Variants in PLXDC2 observed in about 807,000 individuals in gnomAD.
The protein encoded by PLXDC2 is plexin domain-containing protein 2.
PLXDC2 carries 40 observed loss-of-function variants against 68.9 expected under a neutral mutation model. The ratio of observed to expected loss-of-function variants is 0.58; its 90% CI spans 0.45 to 0.76. PLXDC2 has a LOEUF of 0.76. PLXDC2 is among the 30% of genes least tolerant of loss of function. The probability of loss-of-function intolerance (pLI) is 0.00; values close to 1 mark genes in which losing one functional copy is unlikely to be tolerated. For synonymous variants in PLXDC2, 243 were observed against 234.2 expected (o/e 1.04, Z -0.34); for missense variants, 644 against 661.9 (o/e 0.97, Z 0.30).
intron 9 of PLXDC2, among the ~76,000 whole-genome samples, chr10:20,187,607 T>G (rs1432700679): frequency 6.6e-6 from 1 of 151,900 alleles, no homozygotes; most frequent in Non-Finnish European, 1.5e-5. Context: ...TTTGCAGGTC[T>G]TCTTAATGGG....
At chr10:20,270,734 G>A (rs1221022787) in intron 13 of PLXDC2, among the ~76,000 whole-genome samples, 5 of 151,890 alleles carry the variant, frequency 3.3e-5, no homozygotes, top group African/African-American at 9.7e-5. Flanking sequence ...TAGTAGAGAC[G>A]GGGTTTCACC....
chr10:20,040,934 T>G (rs533997223), intron 2 of PLXDC2, among the ~76,000 whole-genome samples: 1 of 152,342 alleles, frequency 6.6e-6, no homozygotes, highest in Admixed American at 6.5e-5. Flanking sequence ...ACTTTCCGAT[T>G]TATCTGTCAG....
intron 1 of PLXDC2, among the ~76,000 whole-genome samples, chr10:20,000,253 C>T (rs1158454139): frequency 6.6e-6 from 1 of 150,528 alleles, no homozygotes; most frequent in Non-Finnish European, 1.5e-5. Context: ...CACACTCAGC[C>T]CTTTATGTAC....
intron 1 of PLXDC2, among the ~76,000 whole-genome samples, chr10:19,982,413 A>G (rs927772380): frequency 2.0e-5 from 3 of 152,162 alleles, no homozygotes; most frequent in African/African-American, 7.2e-5. Context: ...TTCTTCTAGG[A>G]TATCATAGAC....
At chr10:19,911,161 A>G (rs572408909) in intron 1 of PLXDC2, among the ~76,000 whole-genome samples, 2 of 152,160 alleles carry the variant, frequency 1.3e-5, no homozygotes, top group East Asian at 1.9e-4. Flanking sequence ...ATCCAAGACC[A>G]TATAATATTT....
chr10:20,211,669 A>G lies in PLXDC2; in HGVS notation c.1062A>G (p.Arg354=), dbSNP rs745754454. 13 of 1,612,938 alleles carry G rather than the reference A, an allele frequency of 8.1e-6. No individual in the cohort carries two copies. The highest frequency in any genetic ancestry group is 5.0e-5 in the Admixed American group (3 of 59,948). ...FNCSWCSKLQ[R]CSSGFDRHRQ... Reference sequence around the variant, plus strand: ...AACTGCATTGTGGTCTTCTTTGAAGATGTTCCAGTGGATTTGATCGTCATC... The same window carrying G: ...AACTGCATTGTGGTCTTCTTTGAAGGTGTTCCAGTGGATTTGATCGTCATC... The change falls in exon 10 of 14, where the codon AGA becomes AGG. Residue 354 remains arginine, a splice_region_variant and synonymous_variant. Coordinates refer to ENST00000377252, the MANE Select transcript of PLXDC2 (RefSeq NM_032812.9).
At chr10:19,949,831 A>G (rs1833964635) in intron 1 of PLXDC2, among the ~76,000 whole-genome samples, 1 of 152,192 alleles carries the variant, frequency 6.6e-6, no homozygotes, top group African/African-American at 2.4e-5. Flanking sequence ...ACACAATAGT[A>G]TTGTTTAAAG....
Position 19,894,838 on chromosome 10 carries a change from A to G in PLXDC2, c.112+77647A>G, listed in dbSNP as rs570048576. ...TTTTACACTGTTGGTGGGAGTGTAA[A>G]TTAGTTCAACCATTGTGGAAGATAG... On this transcript the variant is annotated intron_variant, in intron 1 of 13. Coordinates refer to ENST00000377252, the MANE Select transcript of PLXDC2 (RefSeq NM_032812.9). Among the ~76,000 whole-genome samples the G allele has an allele frequency of 2.0e-5, 3 of 152,350 alleles. No individual in the cohort carries two copies. The South Asian group carries it at 6.2e-4, about 32-fold the overall frequency.
chr10:20,036,877 T>C (rs527715998), intron 2 of PLXDC2, among the ~76,000 whole-genome samples: 1 of 152,318 alleles, frequency 6.6e-6, no homozygotes, highest in East Asian at 1.9e-4. Flanking sequence ...CTACAATTTA[T>C]CAACAAGGAT....
chr10:20,152,333 C>T (rs1589655261), intron 6 of PLXDC2, among the ~76,000 whole-genome samples: 1 of 152,062 alleles, frequency 6.6e-6, no homozygotes, highest in East Asian at 1.9e-4. Flanking sequence ...CTGTTGTTTT[C>T]TAGAATCATA....
intron 1 of PLXDC2, among the ~76,000 whole-genome samples, chr10:20,001,095 A>T (rs1327465397): frequency 2.0e-5 from 3 of 152,172 alleles, no homozygotes; most frequent in African/African-American, 7.2e-5. Flanking sequence ...CATTTCTGTA[A>T]GTGCCCATCA....
chr10:20,056,429 G>A (rs1836001461), intron 3 of PLXDC2, among the ~76,000 whole-genome samples: 2 of 152,148 alleles, frequency 1.3e-5, no homozygotes, highest in Non-Finnish European at 2.9e-5. Flanking sequence ...CCTGCCGATG[G>A]CACTCACAAC....
intron 1 of PLXDC2, among the ~76,000 whole-genome samples, chr10:19,955,852 G>T: frequency 6.6e-6 from 1 of 152,132 alleles, no homozygotes; most frequent in South Asian, 2.1e-4. Flanking sequence ...GGCTGAGGTG[G>T]GTGGATCACC....
intron 2 of PLXDC2, among the ~76,000 whole-genome samples, chr10:20,022,246 T>C (rs1424475523): frequency 6.6e-6 from 1 of 152,240 alleles, no homozygotes; most frequent in Non-Finnish European, 1.5e-5. Flanking sequence ...TCATGAGTGC[T>C]AGTTGCCAGT....
intron 1 of PLXDC2, among the ~76,000 whole-genome samples, chr10:19,893,465 GT>G (rs1564621568): frequency 1.3e-5 from 2 of 152,120 alleles, no homozygotes; most frequent in Non-Finnish European, 2.9e-5. Context: ...ATTCTCAGTC[GT>G]AAATGTCTTT....
chr10:20,136,000 A>G (rs568743935), intron 4 of PLXDC2, among the ~76,000 whole-genome samples: 1 of 152,156 alleles, frequency 6.6e-6, no homozygotes, highest in Non-Finnish European at 1.5e-5. Flanking sequence ...CCCTTCATAT[A>G]TTTTAACTTG....
chr10:20,255,006 T>A (rs1416047059), intron 13 of PLXDC2, among the ~76,000 whole-genome samples: 1 of 152,202 alleles, frequency 6.6e-6, no homozygotes. Context: ...TATAATAGTG[T>A]TTCTAATTTA....
Position 19,961,184 on chromosome 10 carries a change from G to C in PLXDC2, c.113-40591G>C, listed in dbSNP as rs1349246798. On this transcript the variant is annotated intron_variant, in intron 1 of 13. Transcript: ENST00000377252. ...AAATAATTATTGCATTGTTCTCCTG[G>C]AGATGGATGTAACCCCATGGCAGAG... Among the ~76,000 whole-genome samples the C allele has an allele frequency of 2.0e-5, 3 of 152,184 alleles. No homozygotes were observed. In the East Asian group the frequency reaches 5.8e-4, roughly 29 times the overall value.
At chr10:19,918,476 A>G (rs1259776126) in intron 1 of PLXDC2, among the ~76,000 whole-genome samples, 1 of 152,198 alleles carries the variant, frequency 6.6e-6, no homozygotes, top group Non-Finnish European at 1.5e-5. Flanking sequence ...ACATAGGGGC[A>G]TGGAGGATCA....
Sources: allele counts gnomAD v4.1 joint callset (sites outside exome capture counted in the v4.1 genomes callset), GRCh38; gene constraint gnomAD v4.1.1; transcripts MANE v1.5; gene names NCBI Gene and HGNC (gene_info 2026-07-23, HGNC 2026-07-21).